Variants in DNAH14 observed in about 807,000 individuals in gnomAD.
DNAH14 encodes dynein axonemal heavy chain 14.
DNAH14 carries 478 observed loss-of-function variants against 520.9 expected under a neutral mutation model. The ratio of observed to expected loss-of-function variants is 0.92; its 90% CI spans 0.85 to 0.99. DNAH14 has a LOEUF of 0.99. Ranked by LOEUF, DNAH14 falls within the 50% of genes least tolerant of loss-of-function variation. The probability of loss-of-function intolerance (pLI) is 0.00; values close to 1 mark genes in which losing one functional copy is unlikely to be tolerated. For missense variants in DNAH14, 4,831 were observed against 5,234.5 expected, an observed-to-expected ratio of 0.92 and a Z score of 2.38; for synonymous variants, 1,581 against 1,757.2, an observed-to-expected ratio of 0.90 and a Z score of 2.51.
At chr1:225,318,237 A>C (rs892669975) in intron 60 of DNAH14, among the ~76,000 whole-genome samples, 1 of 152,216 alleles carries the variant, frequency 6.6e-6, no homozygotes, top group Non-Finnish European at 1.5e-5. Flanking sequence ...GAGAGGCTGA[A>C]GTTTAAGCTT....
At chr1:224,973,394 GGTT>G (rs1394799393) in intron 7 of DNAH14, among the ~76,000 whole-genome samples, 1 of 152,170 alleles carries the variant, frequency 6.6e-6, no homozygotes, top group Non-Finnish European at 1.5e-5. Flanking sequence ...ATTTAAAGGT[GGTT>G]GTTTTCCTCT....
chr1:225,290,641 GTGTGTGT>G (rs2093851038), intron 55 of DNAH14, among the ~76,000 whole-genome samples: 1 of 91,240 alleles, frequency 1.1e-5, no homozygotes, highest in Non-Finnish European at 2.2e-5. Context: ...ATGTGTGTGT[GTGTGTGT>G]ATATATATAT....
chr1:225,331,180 A>G (rs1476272558), intron 64 of DNAH14, among the ~76,000 whole-genome samples: 1 of 151,752 alleles, frequency 6.6e-6, no homozygotes, highest in Non-Finnish European at 1.5e-5. Flanking sequence ...AAATTGATGA[A>G]TCTACAAACG....
intron 17 of DNAH14, among the ~76,000 whole-genome samples, chr1:225,056,518 A>G (rs375920152): frequency 3.9e-5 from 6 of 151,974 alleles, no homozygotes; most frequent in Non-Finnish European, 5.9e-5. Context: ...TTGCTGTGCA[A>G]AAGCTCTTTA....
intron 11 of DNAH14, among the ~76,000 whole-genome samples, chr1:225,027,513 G>T (rs563643065): frequency 8.9e-4 from 135 of 152,228 alleles, no homozygotes; most frequent in Non-Finnish European, 1.4e-3. Context: ...TTGGCTCATG[G>T]TTCCACAGTC....
intron 23 of DNAH14, among the ~76,000 whole-genome samples, chr1:225,111,325 CCTTGCTGAATTGACCCTTCTTATCCT>C (rs1329371083): frequency 1.3e-5 from 2 of 151,836 alleles, no homozygotes; most frequent in Non-Finnish European, 2.9e-5. Context: ...TTTATATGCA[CCTTGCTGAATTGACCCTTCTTATCCT>C]CTTGCTGAAT....
Position 225,117,779 on chromosome 1 carries a change from G to A in DNAH14, c.3963G>A (p.Glu1321=), listed in dbSNP as rs1351293994. ...TTCTAGCTGATAGCAGAAATCCTGA[G>A]TCTGTACAGGTAATAACATCTTTCT... is the stretch of plus-strand genomic sequence containing the variant. The part of the protein sequence containing the change: ...LDILADSRNP[E]SVQPHLVKCF... Residue 1321 remains glutamate (E), a synonymous_variant, in exon 24 of 86, where the codon GAG becomes GAA. Coordinates refer to ENST00000682510, the MANE Select transcript of DNAH14 (RefSeq NM_001367479.1). 6.5e-7 allele frequency: 1 copy of A among 1,548,680 alleles called. No homozygotes were observed. Among genetic ancestry groups the A allele is most frequent in the Middle Eastern group, 1.7e-4 (1 of 5,986 alleles).
At chr1:225,161,389 TACC>T (rs1349365229) in intron 35 of DNAH14, among the ~76,000 whole-genome samples, 2 of 152,236 alleles carry the variant, frequency 1.3e-5, no homozygotes, top group African/African-American at 2.4e-5. Flanking sequence ...TGTGTGTAAG[TACC>T]ACATTTTCTT....
intron 52 of DNAH14, among the ~76,000 whole-genome samples, chr1:225,274,518 A>G (rs1305430652): frequency 1.3e-5 from 2 of 152,092 alleles, no homozygotes; most frequent in African/African-American, 2.4e-5. Flanking sequence ...TTGACTTTTT[A>G]GTATTAGCCA....
At chr1:225,063,821 A>T (rs189823300) in intron 17 of DNAH14, among the ~76,000 whole-genome samples, 161 of 152,168 alleles carry the variant, frequency 1.1e-3, no homozygotes, top group Non-Finnish European at 2.0e-3. Context: ...ACGAAAAAAG[A>T]AAACAATGCC....
chr1:225,162,171 A>G (rs1002321863), intron 35 of DNAH14, among the ~76,000 whole-genome samples: 4 of 152,172 alleles, frequency 2.6e-5, no homozygotes, highest in Middle Eastern at 3.4e-3. Flanking sequence ...ATCCATTTTT[A>G]TTTGATTTTT....
In DNAH14 at chr1:224,967,525, C is replaced by T. The variant is rs2061259610; in HGVS notation, c.593C>T (p.Ala198Val). 6.2e-7 allele frequency: 1 copy of T among 1,604,706 alleles called. No homozygotes were observed. Among genetic ancestry groups the T allele is most frequent in the Non-Finnish European group, 8.5e-7 (1 of 1,176,336 alleles). Residue 198 changes from alanine (A) to valine (V), a missense_variant, in exon 6 of 86, where the codon GCT (alanine) becomes GTT (valine). Transcript: ENST00000682510. ...YNPYDLQVVS[A>V]HTAKHCKEFW... is the part of the protein sequence containing the mutation. Reference sequence around the variant, plus strand: ...CCATATGATCTTCAGGTAGTATCGGCTCATACTGCTAAACATTGCAAAGAA... The same window carrying T: ...CCATATGATCTTCAGGTAGTATCGGTTCATACTGCTAAACATTGCAAAGAA...
chr1:225,359,788 A>G (rs1375526969), intron 74 of DNAH14, among the ~76,000 whole-genome samples: 5 of 152,244 alleles, frequency 3.3e-5, no homozygotes. Flanking sequence ...AGAAAGGCAC[A>G]CATCCTCCCT....
chr1:225,167,499 T>C (rs1475320058), intron 35 of DNAH14, among the ~76,000 whole-genome samples: 1 of 152,232 alleles, frequency 6.6e-6, no homozygotes, highest in Non-Finnish European at 1.5e-5. Context: ...ATTTACTGTC[T>C]TAAAATATTC....
At chr1:225,184,559 G>T (rs1268102506) in intron 36 of DNAH14, among the ~76,000 whole-genome samples, 1 of 152,122 alleles carries the variant, frequency 6.6e-6, no homozygotes, top group Admixed American at 6.6e-5. Flanking sequence ...GGCAGAGGTT[G>T]CAGTGAGTCC....
intron 31 of DNAH14, among the ~76,000 whole-genome samples, chr1:225,148,957 C>T (rs1014562249): frequency 6.6e-6 from 1 of 152,082 alleles, no homozygotes; most frequent in Non-Finnish European, 1.5e-5. Flanking sequence ...AACTAGATAC[C>T]ATTTGTCAAT....
chr1:225,322,502 T>A (rs1293417963), intron 61 of DNAH14, among the ~76,000 whole-genome samples, 162 bp from the exon 62 acceptor site: 1 of 152,216 alleles, frequency 6.6e-6, no homozygotes, highest in Admixed American at 6.5e-5. Context: ...AGATACCCAA[T>A]TTTTAAAAGA....
rs566697577 is a variant in DNAH14, at chr1:225,089,219, G to A, written c.3573+3430G>A. On this transcript the variant is annotated intron_variant, in intron 21 of 85. Transcript: ENST00000682510. ...AGCACTTTGGGAGGCTGAGGCAGGC[G>A]GATCACCTGAGGTCAGGAGTTTGAG... 1.2e-4 allele frequency among the ~76,000 whole-genome samples: 18 copies of A among 152,098 alleles called. No homozygotes were observed. The South Asian group carries it at 2.9e-3, about 25-fold the overall frequency.
intron 22 of DNAH14, 31 bp from the exon 23 acceptor site, chr1:225,100,682 A>C: frequency 6.8e-7 from 1 of 1,462,420 alleles, no homozygotes; most frequent in Non-Finnish European, 9.0e-7. Flanking sequence ...CCTTAAAAAA[A>C]ATAAAATGAC....
Sources: allele counts gnomAD v4.1 joint callset (sites outside exome capture counted in the v4.1 genomes callset), GRCh38; gene constraint gnomAD v4.1.1; transcripts MANE v1.5; gene names NCBI Gene and HGNC (gene_info 2026-07-23, HGNC 2026-07-21).